PAPPA: variants seen among roughly 807,000 people sequenced by gnomAD.
PAPPA encodes the protein pappalysin 1.
A neutral mutation model predicts 164.0 loss-of-function variants in PAPPA; 60 were observed. That is an observed-to-expected ratio of 0.37 (90% CI 0.30 to 0.45). The LOEUF (loss-of-function observed/expected upper bound fraction) is 0.45, where lower values mean the gene tolerates loss of function less well. PAPPA is among the 20% of genes least tolerant of loss of function. The pLI is 1.00. For missense variants in PAPPA, 1,782 were observed against 2,087.3 expected (o/e 0.85, Z 2.85); for synonymous variants, 875 against 814.1 (o/e 1.07, Z -1.27).
intron 5 of PAPPA, among the ~76,000 whole-genome samples, chr9:116,224,379 G>A (rs749173612): frequency 4.6e-5 from 7 of 152,166 alleles, no homozygotes; most frequent in East Asian, 1.9e-4. Context: ...AAGTCTTTGC[G>A]ACCTCATCCA....
chr9:116,310,856 T>C (rs929004286), intron 10 of PAPPA, among the ~76,000 whole-genome samples: 1 of 152,134 alleles, frequency 6.6e-6, no homozygotes, highest in African/African-American at 2.4e-5. Flanking sequence ...GTCAGTTCTC[T>C]TTGCCCCCAC....
Position 116,348,087 on chromosome 9 carries a change from C to T in PAPPA, c.3964+878C>T, listed in dbSNP as rs533782805. On this transcript the variant is annotated intron_variant, in intron 15 of 21. Transcript: ENST00000328252. ...CTGTTGTTGGGGAAGTGTGACCTGG[C>T]TGGGGAGACAAGGCCTTAGGAGGAC... is the stretch of plus-strand genomic sequence containing the variant. 1.7e-4 allele frequency among the ~76,000 whole-genome samples: 26 copies of T among 152,280 alleles called. No individual in the cohort carries two copies. In the South Asian group the frequency reaches 5.4e-3, roughly 32 times the overall value.
rs192922650 is a variant in PAPPA at position 116,240,422 on chromosome 9, G to A, written c.2732+4785G>A. On this transcript the variant is annotated intron_variant, in intron 7 of 21. Coordinates refer to ENST00000328252, the MANE Select transcript of PAPPA (RefSeq NM_002581.5). The stretch of plus-strand genomic sequence containing the variant: ...CTTAGAACTAGAATATAAACTCCCC[G>A]AGGGCTAGATTTTTTTCCTGTTTTT... Among the ~76,000 whole-genome samples the A allele has an allele frequency of 3.8e-3, 585 of 152,242 alleles. 4 individuals carry two copies. Among genetic ancestry groups the A allele is most frequent in the South Asian group, 0.019 (93 of 4,820 alleles).
chr9:116,377,983 T>C (rs150610076), intron 20 of PAPPA, among the ~76,000 whole-genome samples: 1 of 152,310 alleles, frequency 6.6e-6, no homozygotes, highest in African/African-American at 2.4e-5. Context: ...ATCTAGAATA[T>C]GCTAATGTTG....
intron 7 of PAPPA, among the ~76,000 whole-genome samples, chr9:116,251,593 C>T (rs1387557321): frequency 2.6e-5 from 4 of 152,282 alleles, no homozygotes; most frequent in African/African-American, 7.2e-5. Context: ...GACTTGGCCT[C>T]GATTTTCACA....
Position 116,187,047 on chromosome 9 carries a change from G to A in PAPPA, c.416-107G>A, listed in dbSNP as rs776452800. On this transcript the variant is annotated intron_variant, in intron 1 of 21. Transcript: ENST00000328252. The surrounding 1 kb of genome is among the most constrained non-coding windows in gnomAD (Gnocchi z 4.2). The stretch of plus-strand genomic sequence containing the variant: ...GGATCCCACAGAGCAGTTGGAAAGC[G>A]ATGAGTCTAGGATAACCTGATACAA... 3.4e-5 allele frequency: 27 copies of A among 794,194 alleles called. No individual in the cohort carries two copies. Among genetic ancestry groups the A allele is most frequent in the African/African-American group, 8.7e-5 (5 of 57,644 alleles). 49.2% of individuals were successfully genotyped at this position (794,194 alleles called of 1,614,324 possible).
At chr9:116,389,724 C>A (rs1186467462) in intron 21 of PAPPA, among the ~76,000 whole-genome samples, 2 of 151,970 alleles carry the variant, frequency 1.3e-5, no homozygotes, top group Non-Finnish European at 2.9e-5. Flanking sequence ...AGTCTTTGCC[C>A]AAGTGCCATG....
At chr9:116,344,758 G>C (rs766006267) in intron 14 of PAPPA, 47 bp downstream of exon 14, 30 of 1,558,928 alleles carry the variant, frequency 1.9e-5, no homozygotes, top group Non-Finnish European at 1.9e-5. Flanking sequence ...CCCAGGGAAG[G>C]CTTACTGGGT....
chr9:116,219,503 G>A (rs148771525), intron 4 of PAPPA, among the ~76,000 whole-genome samples: 30 of 152,312 alleles, frequency 2.0e-4, no homozygotes, highest in African/African-American at 6.7e-4. Context: ...ATGAATGAGT[G>A]AATGGATAAA....
chr9:116,186,001 T>C (rs776877832), intron 1 of PAPPA, among the ~76,000 whole-genome samples: 25 of 152,134 alleles, frequency 1.6e-4, no homozygotes, highest in Non-Finnish European at 3.4e-4. Flanking sequence ...TCAACCTGTC[T>C]CTCTATCTCC....
intron 7 of PAPPA, among the ~76,000 whole-genome samples, chr9:116,265,627 T>C (rs553104564): frequency 6.6e-6 from 1 of 152,264 alleles, no homozygotes; most frequent in South Asian, 2.1e-4. Context: ...AAGTACATAG[T>C]TATCAGTCAA....
chr9:116,235,664 T>G, intron 7 of PAPPA, 27 bp downstream of exon 7: 2 of 1,611,440 alleles, frequency 1.2e-6, no homozygotes, highest in Non-Finnish European at 1.7e-6. Context: ...AATAGGGAGT[T>G]TATTAAGTGG....
chr9:116,154,154 G>GA lies in PAPPA; in HGVS notation c.-19_-18insA. The GA allele has an allele frequency of 7.2e-7, 1 of 1,389,846 alleles. No individual in the cohort carries two copies. Among genetic ancestry groups the GA allele is most frequent in the Non-Finnish European group, 9.5e-7 (1 of 1,054,440 alleles). 86.1% of individuals were successfully genotyped at this position (1,389,846 alleles called of 1,614,324 possible). A position where few individuals can be genotyped will look rare whatever the true frequency, so the allele number is the denominator to read the frequency against. ...GTGGCGGTGCAGGGGCGAAGGGGGGGCGGGGGGAACCGTCGGACATGCGGC... is the reference window on the plus strand; with the variant it reads ...GTGGCGGTGCAGGGGCGAAGGGGGGGACGGGGGGAACCGTCGGACATGCGGC... On this transcript the variant is annotated 5_prime_UTR_variant, in exon 1 of 22. Transcript: ENST00000328252. The surrounding 1 kb of genome is among the most constrained non-coding windows in gnomAD (Gnocchi z 5.2).
intron 2 of PAPPA, among the ~76,000 whole-genome samples, chr9:116,191,531 G>A (rs1844042561): frequency 6.6e-6 from 1 of 152,180 alleles, no homozygotes; most frequent in African/African-American, 2.4e-5. Flanking sequence ...GTGTTGCAAT[G>A]AGTTGGACAT....
At chr9:116,331,873 G>T (rs1169914815) in intron 11 of PAPPA, among the ~76,000 whole-genome samples, 7 of 152,152 alleles carry the variant, frequency 4.6e-5, no homozygotes, top group Non-Finnish European at 8.8e-5. Flanking sequence ...TCTCCTCAAA[G>T]CCGAGTGCAG....
chr9:116,341,661 C>T (rs1465235289), intron 13 of PAPPA, among the ~76,000 whole-genome samples: 2 of 152,208 alleles, frequency 1.3e-5, no homozygotes, highest in Non-Finnish European at 2.9e-5. Context: ...CTGAAATACA[C>T]AGGATAACAG....
intron 10 of PAPPA, among the ~76,000 whole-genome samples, chr9:116,319,582 G>A (rs1162286551): frequency 6.6e-6 from 1 of 152,236 alleles, no homozygotes; most frequent in Non-Finnish European, 1.5e-5. Context: ...TAAGGATGGT[G>A]TCCATGGAGG....
chr9:116,259,709 G>T (rs1457678648), intron 7 of PAPPA, among the ~76,000 whole-genome samples: 3 of 152,182 alleles, frequency 2.0e-5, no homozygotes, highest in East Asian at 1.9e-4. Context: ...TGTGTTAATT[G>T]ATACAATCAT....
chr9:116,303,378 C>T (rs199802340), intron 10 of PAPPA, among the ~76,000 whole-genome samples: 37 of 152,220 alleles, frequency 2.4e-4, no homozygotes, highest in East Asian at 7.7e-4. Context: ...CCCTATTTTT[C>T]GACTCATCCT....
Sources: allele counts gnomAD v4.1 joint callset (sites outside exome capture counted in the v4.1 genomes callset), GRCh38; gene constraint gnomAD v4.1.1; non-coding constraint Gnocchi (gnomAD v3.1); transcripts MANE v1.5; gene names NCBI Gene and HGNC (gene_info 2026-07-23, HGNC 2026-07-21).